RGL1: variants seen among roughly 807,000 people sequenced by gnomAD.
The protein encoded by RGL1 is ral guanine nucleotide dissociation stimulator like 1.
Under a neutral mutation model 95.2 loss-of-function variants are expected in RGL1, and 24 were observed. The observed-to-expected ratio is 0.25, with a 90% CI of 0.18 to 0.35. The LOEUF (loss-of-function observed/expected upper bound fraction) is 0.35. Ranked by LOEUF, RGL1 falls within the 10% of genes least tolerant of loss-of-function variation. RGL1 has a pLI of 1.00. For missense variants in RGL1, 715 were observed against 936.3 expected, an observed-to-expected ratio of 0.76 and a Z score of 3.08; for synonymous variants, 329 against 344.9, an observed-to-expected ratio of 0.95 and a Z score of 0.51.
At chr1:183,683,404 T>C (rs1313671074) in intron 1 of RGL1, among the ~76,000 whole-genome samples, 1 of 152,222 alleles carries the variant, frequency 6.6e-6, no homozygotes, top group African/African-American at 2.4e-5. Context: ...TAAAGGATTT[T>C]ATTTCTCCTT....
At chr1:183,671,287 A>G (rs12033293) in intron 1 of RGL1, among the ~76,000 whole-genome samples, 10,832 of 152,134 alleles carry the variant, frequency 0.071, 663 homozygotes, top group African/African-American at 0.17. Context: ...GAAAAAAGCC[A>G]CTCTGAACAT....
At chr1:183,845,484 A>G (rs1277349756) in intron 2 of RGL1, among the ~76,000 whole-genome samples, 1 of 152,232 alleles carries the variant, frequency 6.6e-6, no homozygotes, top group Non-Finnish European at 1.5e-5. Flanking sequence ...CCAAGGTACA[A>G]TTATATCTAC....
chr1:183,777,793 T>G (rs187067757), intron 2 of RGL1, among the ~76,000 whole-genome samples: 1 of 152,226 alleles, frequency 6.6e-6, no homozygotes, highest in Admixed American at 6.5e-5. Context: ...GCCATTAGCT[T>G]TTAATTTTAG....
chr1:183,801,968 C>T (rs1661017623), upstream of RGL1, among the ~76,000 whole-genome samples: 1 of 152,172 alleles, frequency 6.6e-6, no homozygotes, highest in African/African-American at 2.4e-5. Flanking sequence ...GCCCTACCTC[C>T]AACACTGGGG....
chr1:183,668,427 T>C (rs571944541), intron 1 of RGL1, among the ~76,000 whole-genome samples: 2 of 152,248 alleles, frequency 1.3e-5, no homozygotes, highest in African/African-American at 4.8e-5. Context: ...TTATCTTTAC[T>C]TCTGTGTTCA....
At chr1:183,790,106 G>T (rs1313886697) in intron 2 of RGL1, among the ~76,000 whole-genome samples, 2 of 151,596 alleles carry the variant, frequency 1.3e-5, no homozygotes, top group Non-Finnish European at 2.9e-5. Context: ...TTAATTTTTT[G>T]GTAGAGGTGG....
chr1:183,747,737 A>G (rs1451536940), intron 2 of RGL1, among the ~76,000 whole-genome samples: 1 of 152,210 alleles, frequency 6.6e-6, no homozygotes, highest in Non-Finnish European at 1.5e-5. Flanking sequence ...TCGGTTTGCC[A>G]GTATTTTATT....
intron 1 of RGL1, among the ~76,000 whole-genome samples, chr1:183,641,757 GA>G (rs1422007221): frequency 6.6e-6 from 1 of 152,168 alleles, no homozygotes; most frequent in African/African-American, 2.4e-5. Flanking sequence ...TTGAAAGTTA[GA>G]GTGTGCTGCA....
rs186958120 is a variant in RGL1 at position 183,671,867 on chromosome 1, T to C, written c.-33+35366T>C. ...GCTGTTGAGAAATTCATTGTCGGTC[T>C]AGTTGTTTCATTATAGATAATTTTT... On this transcript the variant is annotated intron_variant, in intron 1 of 18. Coordinates refer to the RGL1 transcript ENST00000304685. Among the ~76,000 whole-genome samples the C allele has an allele frequency of 7.8e-4, 119 of 152,294 alleles. 1 individual carries two copies. The highest frequency in any genetic ancestry group is 2.8e-3 in the African/African-American group (117 of 41,574).
chr1:183,726,788 A>C (rs960901362), intron 1 of RGL1, among the ~76,000 whole-genome samples: 1 of 152,144 alleles, frequency 6.6e-6, no homozygotes, highest in Non-Finnish European at 1.5e-5. Flanking sequence ...TAGATTTTTG[A>C]TTTTGGAATG....
At chr1:183,637,384 C>T (rs541739410) in intron 1 of RGL1, among the ~76,000 whole-genome samples, 7 of 152,110 alleles carry the variant, frequency 4.6e-5, no homozygotes, top group Non-Finnish European at 7.4e-5. Flanking sequence ...AGAAGGGACT[C>T]GATACATGCT....
intron 11 of RGL1, among the ~76,000 whole-genome samples, chr1:183,901,288 G>A (rs1668005810): frequency 6.6e-6 from 1 of 151,826 alleles, no homozygotes; most frequent in South Asian, 2.1e-4. Context: ...GACAGAGCAA[G>A]ACCCCATCTC....
chr1:183,893,421 A>AT (rs1667529360), intron 9 of RGL1, among the ~76,000 whole-genome samples: 1 of 152,216 alleles, frequency 6.6e-6, no homozygotes, highest in African/African-American at 2.4e-5. Flanking sequence ...AATGTAAGTT[A>AT]TTTTTTGTAT....
chr1:183,665,717 C>T lies in RGL1; in HGVS notation c.-33+29216C>T, dbSNP rs575151332. 3.3e-5 allele frequency among the ~76,000 whole-genome samples: 5 copies of T among 152,146 alleles called. No individual in the cohort carries two copies. The East Asian group carries it at 5.8e-4, about 18-fold the overall frequency. On this transcript the variant is annotated intron_variant, in intron 1 of 18. Transcript: ENST00000304685. ...TTATCCTTTTAATGTCTGTGAGATCCGTAGTGATGATGTCCCCTCTTTCAT... is the reference window on the plus strand; with the variant it reads ...TTATCCTTTTAATGTCTGTGAGATCTGTAGTGATGATGTCCCCTCTTTCAT...
Position 183,636,796 on chromosome 1 carries a change from C to A in RGL1, c.-33+295C>A, listed in dbSNP as rs145117934. ...AAAAAAATATTTGACATCCCCATTT[C>A]TGGAATGTAGGAGATAAAGGCACTA... On this transcript the variant is annotated intron_variant, in intron 1 of 18. Transcript: ENST00000304685. Among the ~76,000 whole-genome samples, 572 of 152,238 alleles carry A rather than the reference C, an allele frequency of 3.8e-3. 8 individuals are homozygous for A. The highest frequency in any genetic ancestry group is 0.013 in the African/African-American group (545 of 41,538).
intron 1 of RGL1, among the ~76,000 whole-genome samples, chr1:183,675,667 A>G (rs1486431456): frequency 6.6e-6 from 1 of 152,088 alleles, no homozygotes; most frequent in African/African-American, 2.4e-5. Context: ...TATCCCTTAC[A>G]ATTTTGAACA....
At chr1:183,763,231 A>T (rs1437981335) in intron 2 of RGL1, among the ~76,000 whole-genome samples, 1 of 152,126 alleles carries the variant, frequency 6.6e-6, no homozygotes, top group East Asian at 1.9e-4. Flanking sequence ...ACACACTGGG[A>T]CCTGTCAGGA....
chr1:183,827,978 T>A (rs1239242332), intron 2 of RGL1, among the ~76,000 whole-genome samples: 2 of 152,232 alleles, frequency 1.3e-5, no homozygotes, highest in Non-Finnish European at 2.9e-5. Context: ...TCCAGGACCA[T>A]TGTGTCCACT....
At chr1:183,804,910 C>G (rs1444857655), upstream of RGL1, among the ~76,000 whole-genome samples, 5 of 152,248 alleles carry the variant, frequency 3.3e-5, no homozygotes, top group Admixed American at 3.3e-4. Flanking sequence ...ATTTTGGCAC[C>G]TGGTGACCGT....
Sources: gnomAD v4.1 joint callset for allele counts (sites outside exome capture counted in the v4.1 genomes callset) on GRCh38, gnomAD v4.1.1 for gene constraint, MANE v1.5 for transcripts, NCBI Gene and HGNC (gene_info 2026-07-23, HGNC 2026-07-21) for gene names.